The following COL14A1 variants were observed in gnomAD, a reference collection of about 807,000 sequenced individuals.
COL14A1 encodes collagen type XIV alpha 1 chain, also known as collagen alpha-1(XIV) chain.
Under a neutral mutation model 230.3 loss-of-function variants are expected in COL14A1, and 136 were observed. That is an observed-to-expected ratio of 0.59 (90% confidence interval 0.51 to 0.68). COL14A1 has a LOEUF of 0.68. COL14A1 is among the 30% of genes least tolerant of loss of function. The pLI is 0.00. For synonymous variants in COL14A1, 792 were observed against 784.1 expected, an observed-to-expected ratio of 1.01 and a Z score of -0.17; for missense variants, 1,976 against 2,215.8, an observed-to-expected ratio of 0.89 and a Z score of 2.17.
chr8:120,166,875 A>AGAGT (rs1491532035), intron 4 of COL14A1, among the ~76,000 whole-genome samples: 2 of 116,974 alleles, frequency 1.7e-5, no homozygotes, highest in Non-Finnish European at 3.5e-5. Flanking sequence ...AAAGAATTTA[A>AGAGT]GTGTGTGTGT....
rs550111740 is a variant in COL14A1 at position 120,153,109 on chromosome 8, A to G, written c.89-5021A>G. On this transcript the variant is annotated intron_variant, in intron 2 of 47. Transcript: ENST00000297848. ...CATATCCTACAGTAAAAGTCTCTCA[A>G]AATTTAATTGCTCCGATTTATAAAA... Among the ~76,000 whole-genome samples, 27 of 152,336 alleles carry G rather than the reference A, an allele frequency of 1.8e-4. 1 individual carries two copies. The South Asian group carries it at 4.6e-3, about 26-fold the overall frequency.
chr8:120,355,655 AC>A (rs534905290), intron 45 of COL14A1, among the ~76,000 whole-genome samples: 11 of 149,142 alleles, frequency 7.4e-5, no homozygotes, highest in Non-Finnish European at 1.3e-4. Flanking sequence ...TCAACTGACA[AC>A]CCCCCCACCC....
At chr8:120,266,622 G>A (rs1819507566) in intron 24 of COL14A1, among the ~76,000 whole-genome samples, 1 of 151,972 alleles carries the variant, frequency 6.6e-6, no homozygotes, top group Non-Finnish European at 1.5e-5. Context: ...TGGCAAAATG[G>A]CATTTCAAGC....
chr8:120,248,894 A>T (rs1029220932), intron 21 of COL14A1, among the ~76,000 whole-genome samples: 76 of 150,284 alleles, frequency 5.1e-4, no homozygotes, highest in African/African-American at 1.8e-3. Flanking sequence ...CTGCCTTCAA[A>T]AACTCCATTA....
Position 120,156,416 on chromosome 8 carries a change from G to A in COL14A1, c.89-1714G>A, listed in dbSNP as rs149715479. ...ACTCCTGACCTCAGGTGATCCACCCGTCTTGGCCTCCCAAAGTGCTGGGAT... is the reference window on the plus strand; with the variant it reads ...ACTCCTGACCTCAGGTGATCCACCCATCTTGGCCTCCCAAAGTGCTGGGAT... On this transcript the variant is annotated intron_variant, in intron 2 of 47. Coordinates refer to ENST00000297848, the MANE Select transcript of COL14A1 (RefSeq NM_021110.4). 5.1e-3 allele frequency among the ~76,000 whole-genome samples: 770 copies of A among 152,224 alleles called. 6 individuals are homozygous for A. Among genetic ancestry groups the A allele is most frequent in the African/African-American group, 0.018 (744 of 41,540 alleles).
chr8:120,168,162 T>C lies in COL14A1; in HGVS notation c.351T>C (p.Ile117=). 1.9e-6 allele frequency: 3 copies of C among 1,606,398 alleles called. No individual in the cohort carries two copies. Among genetic ancestry groups the C allele is most frequent in the Non-Finnish European group, 2.6e-6 (3 of 1,174,348 alleles). ...GCTGTATCTCTACTTTTCTTCCAGT[T>C]AAAGATTTAGAAAAAAGAAAGGATC... ...ESKPAQGQFR[I]KDLEKRKDPK... The change falls in exon 5 of 48, where the codon ATT becomes ATC. Residue 117 remains isoleucine (I), a splice_region_variant and synonymous_variant. Coordinates refer to ENST00000297848, the MANE Select transcript of COL14A1 (RefSeq NM_021110.4).
At chr8:120,369,721 T>A (rs1207526844) in intron 47 of COL14A1, among the ~76,000 whole-genome samples, 2 of 152,212 alleles carry the variant, frequency 1.3e-5, no homozygotes, top group African/African-American at 4.8e-5. Context: ...CACATCTAAG[T>A]CTTCCTTGCT....
chr8:120,209,668 A>G, intron 11 of COL14A1, 88 bp from the exon 12 acceptor site: 1 of 1,344,928 alleles, frequency 7.4e-7, no homozygotes, highest in Non-Finnish European at 1.0e-6. Context: ...TTCCCCTCAA[A>G]TATGGTCAAT....
chr8:120,196,948 T>C lies in COL14A1; in HGVS notation c.592+2T>C. ...TGGGCTCAGAGAAGACACGAATTGG[T>C]ATAATTTCTATTATTAGCAGTAGCA... On this transcript the variant is annotated splice_donor_variant, in intron 6 of 47. Coordinates refer to ENST00000297848, the MANE Select transcript of COL14A1 (RefSeq NM_021110.4). LOFTEE classifies it high-confidence loss of function. 6.2e-7 allele frequency: 1 copy of C among 1,613,474 alleles called. No homozygotes were observed. Among genetic ancestry groups the C allele is most frequent in the Non-Finnish European group, 8.5e-7 (1 of 1,179,744 alleles).
At chr8:120,214,265 G>A (rs536657540) in intron 13 of COL14A1, among the ~76,000 whole-genome samples, 13 of 152,270 alleles carry the variant, frequency 8.5e-5, no homozygotes, top group African/African-American at 2.6e-4. Flanking sequence ...TAACTGGGAC[G>A]TTGGCCAAGT....
chr8:120,174,242 G>T (rs1328988656), intron 5 of COL14A1, among the ~76,000 whole-genome samples: 2 of 146,062 alleles, frequency 1.4e-5, no homozygotes, highest in East Asian at 2.1e-4. Flanking sequence ...TTACAAGGAA[G>T]TTTGTGGGTT....
chr8:120,332,118 C>T (rs764695064), intron 40 of COL14A1, 23 bp from the exon 41 acceptor site: 1 of 1,612,768 alleles, frequency 6.2e-7, no homozygotes, highest in African/African-American at 1.3e-5. Flanking sequence ...CACTTGCTGA[C>T]ATGCTGTGTT....
intron 15 of COL14A1, among the ~76,000 whole-genome samples, chr8:120,226,126 G>A (rs1403601749): frequency 1.3e-5 from 2 of 151,806 alleles, no homozygotes; most frequent in Non-Finnish European, 2.9e-5. Context: ...AACAGTGGAA[G>A]GCCTGATAAA....
At chr8:120,299,768 C>T (rs1407047806) in intron 35 of COL14A1, among the ~76,000 whole-genome samples, 1 of 152,034 alleles carries the variant, frequency 6.6e-6, no homozygotes, top group Non-Finnish European at 1.5e-5. Context: ...GTATATACAC[C>T]ATGTAACAGT....
intron 17 of COL14A1, 60 bp from the exon 18 acceptor site, chr8:120,228,650 A>G (rs1304486789): frequency 9.3e-6 from 12 of 1,284,842 alleles, no homozygotes; most frequent in Non-Finnish European, 1.2e-5. Flanking sequence ...AAGCTACAAC[A>G]TGCTATAGAA....
intron 26 of COL14A1, among the ~76,000 whole-genome samples, chr8:120,275,865 T>C (rs1819822693): frequency 6.6e-6 from 1 of 151,826 alleles, no homozygotes; most frequent in African/African-American, 2.4e-5. Context: ...AAAGGAAATA[T>C]TTATACACTG....
At position 120,142,232 on chromosome 8, in the gene COL14A1, G is replaced by A. The variant is rs557499439; in HGVS notation, c.-37-5574G>A. 1.1e-3 allele frequency among the ~76,000 whole-genome samples: 160 copies of A among 152,306 alleles called. 1 individual carries two copies. Among genetic ancestry groups the A allele is most frequent in the Non-Finnish European group, 1.9e-3 (131 of 68,030 alleles). ...TCTGCTGCAATATGTTTCTTTGGGTGTGGTGGACAGCTATCTGTGTGACTG... is the reference window on the plus strand; with the variant it reads ...TCTGCTGCAATATGTTTCTTTGGGTATGGTGGACAGCTATCTGTGTGACTG... On this transcript the variant is annotated intron_variant, in intron 1 of 47. Coordinates refer to ENST00000297848, the MANE Select transcript of COL14A1 (RefSeq NM_021110.4).
intron 14 of COL14A1, among the ~76,000 whole-genome samples, chr8:120,220,959 C>A (rs1435033617): frequency 6.6e-6 from 1 of 152,048 alleles, no homozygotes; most frequent in Non-Finnish European, 1.5e-5. Flanking sequence ...TCCGAGTGCT[C>A]TAAAGAGAAT....
chr8:120,278,595 A>G lies in COL14A1; in HGVS notation c.3481+17A>G, dbSNP rs60745201. On this transcript the variant is annotated intron_variant, in intron 28 of 47. Transcript: ENST00000297848. ...AATTAGATGGTAAGATATATAAACA[A>G]TAGTGGCTACCAAATATGATGTTAG... 5.4e-3 allele frequency: 8,687 copies of G among 1,604,526 alleles called. 349 individuals carry two copies. The African/African-American group carries it at 0.095, about 18-fold the overall frequency.
Sources: gnomAD v4.1 joint callset for allele counts (sites outside exome capture counted in the v4.1 genomes callset) on GRCh38, gnomAD v4.1.1 for gene constraint, MANE v1.5 for transcripts, NCBI Gene and HGNC (gene_info 2026-07-23, HGNC 2026-07-21) for gene names.